UTY: variants seen among roughly 807,000 people sequenced by gnomAD.
UTY encodes the protein ubiquitously transcribed tetratricopeptide repeat containing, Y-linked, also known as histone demethylase UTY.
Under a neutral mutation model 32.5 loss-of-function variants are expected in UTY, and 12 were observed. That is an observed-to-expected ratio of 0.37 (90% CI 0.24 to 0.60). The LOEUF (loss-of-function observed/expected upper bound fraction) is 0.60. Ranked by LOEUF, UTY falls within the 20% of genes least tolerant of loss-of-function variation. The pLI is 0.69. For synonymous variants in UTY, 131 were observed against 103.4 expected (o/e 1.27, Z -1.62); for missense variants, 303 against 299.2 (o/e 1.01, Z -0.09).
At chrY:13,369,055 G>A in intron 9 of UTY, among the ~76,000 whole-genome samples, 3 of 32,652 alleles carry the variant, frequency 9.2e-5, no homozygotes, top group Non-Finnish European at 2.3e-4. Flanking sequence ...ATATAACTCC[G>A]GTAAAACAGG....
chrY:13,347,697 C>T (rs2062037478), intron 17 of UTY, among the ~76,000 whole-genome samples: 1 of 32,078 alleles, frequency 3.1e-5, no homozygotes, highest in Non-Finnish European at 7.6e-5. Flanking sequence ...CCCACAGCAG[C>T]CTGGATGACA....
At chrY:13,356,108 C>T in intron 15 of UTY, 90 bp from the exon 16 acceptor site, 1 of 178,296 alleles carries the variant, frequency 5.6e-6, no homozygotes, top group Non-Finnish European at 9.8e-6. Context: ...TACACAGAAC[C>T]TTTGCAGGAT....
chrY:13,309,791 G>T (rs2058919481), intron 21 of UTY, among the ~76,000 whole-genome samples: 1 of 32,717 alleles, frequency 3.1e-5, no homozygotes, highest in Non-Finnish European at 7.5e-5. Flanking sequence ...CAAAAGAGGT[G>T]TCAATTTCGT....
chrY:13,468,140 C>T (rs2078083264), intron 3 of UTY, among the ~76,000 whole-genome samples: 1 of 31,620 alleles, frequency 3.2e-5, no homozygotes, highest in Non-Finnish European at 7.6e-5. Flanking sequence ...AGTGTGGTGG[C>T]GCATGCTTGT....
chrY:13,344,198 G>C, intron 17 of UTY, among the ~76,000 whole-genome samples: 1 of 33,978 alleles, frequency 2.9e-5, no homozygotes, highest in Non-Finnish European at 7.3e-5. Context: ...GAAGTTAACA[G>C]AAAGGTTGGT....
intron 28 of UTY, among the ~76,000 whole-genome samples, chrY:13,259,631 A>G: frequency 2.9e-5 from 1 of 33,996 alleles, no homozygotes; most frequent in Admixed American, 2.7e-4. Flanking sequence ...TAAATCTCCA[A>G]TTATTGCTAT....
At chrY:13,364,535 T>C in intron 10 of UTY, among the ~76,000 whole-genome samples, 1 of 32,662 alleles carries the variant, frequency 3.1e-5, no homozygotes, top group Non-Finnish European at 7.5e-5. Context: ...CCACCTAATT[T>C]TTGTATTTTT....
In UTY at chrY:13,249,079, T is replaced by A; in HGVS notation, c.*777A>T. 2.6e-5 allele frequency: 1 copy of A among 38,711 alleles called. No individual in the cohort carries two copies. Among genetic ancestry groups the A allele is most frequent in the Non-Finnish European group, 6.1e-5 (1 of 16,408 alleles). 9.7% of individuals were successfully genotyped at this position (38,711 alleles called of 400,897 possible). On this transcript the variant is annotated 3_prime_UTR_variant, in exon 30 of 30. Coordinates refer to ENST00000545955, the MANE Select transcript of UTY (RefSeq NM_001258249.2). ...AACAATTTTAATAAAAATTTCTGTATAATACTAAGCAGTTTTATCTACACA... is the reference window on the plus strand; with the variant it reads ...AACAATTTTAATAAAAATTTCTGTAAAATACTAAGCAGTTTTATCTACACA...
intron 17 of UTY, among the ~76,000 whole-genome samples, chrY:13,337,941 T>C: frequency 3.1e-5 from 1 of 31,957 alleles, no homozygotes. Context: ...ATAAAAATTC[T>C]ATTATAAAAT....
At chrY:13,283,797 T>C (rs2057180574) in intron 27 of UTY, among the ~76,000 whole-genome samples, 2 of 33,560 alleles carry the variant, frequency 6.0e-5, no homozygotes, top group Non-Finnish European at 1.5e-4. Flanking sequence ...GCCATCTATA[T>C]CAATTCTAAG....
At chrY:13,256,727 C>T in intron 28 of UTY, among the ~76,000 whole-genome samples, 1 of 33,763 alleles carries the variant, frequency 3.0e-5, no homozygotes, top group Non-Finnish European at 7.3e-5. Context: ...ATTCTACATA[C>T]GTGGTTCATT....
At chrY:13,342,607 G>A (rs2061566915) in intron 17 of UTY, among the ~76,000 whole-genome samples, 1 of 34,562 alleles carries the variant, frequency 2.9e-5, no homozygotes, top group Non-Finnish European at 7.3e-5. Flanking sequence ...AACCATTTTT[G>A]AGGACACACT....
At chrY:13,291,830 A>G in intron 27 of UTY, among the ~76,000 whole-genome samples, 1 of 34,107 alleles carries the variant, frequency 2.9e-5, no homozygotes, top group East Asian at 7.5e-4. Flanking sequence ...TGAAGGACAA[A>G]ACCATATGAT....
At chrY:13,385,490 TCAAAGTTAACTA>T (rs2066619604) in intron 8 of UTY, among the ~76,000 whole-genome samples, 1 of 33,124 alleles carries the variant, frequency 3.0e-5, no homozygotes, top group East Asian at 7.8e-4. Flanking sequence ...AGGGCAGCGA[TCAAAGTTAACTA>T]TAATCTCCAA....
intron 10 of UTY, among the ~76,000 whole-genome samples, chrY:13,361,402 C>T (rs775585486): frequency 3.0e-5 from 1 of 33,226 alleles, no homozygotes; most frequent in South Asian, 6.5e-4. Flanking sequence ...TGAAAATAAA[C>T]GTGTACCGAC....
At position 13,381,437 on chromosome Y, in the gene UTY, T is replaced by C. The variant is rs763956726; in HGVS notation, c.646-12088A>G. Among the ~76,000 whole-genome samples, 5 of 34,126 alleles carry C rather than the reference T, an allele frequency of 1.5e-4. No homozygotes were observed. In the South Asian group the frequency reaches 2.6e-3, roughly 18 times the overall value. 91.6% of individuals were successfully genotyped at this position (34,126 alleles called of 37,273 possible). On this transcript the variant is annotated intron_variant, in intron 8 of 29. Coordinates refer to ENST00000545955, the MANE Select transcript of UTY (RefSeq NM_001258249.2). ...TATTCAGGATGCTAAGGCAAGAGAA[T>C]TGCCTGAACCCGGGAGGCGGAGGCT... is the stretch of plus-strand genomic sequence containing the variant.
intron 17 of UTY, among the ~76,000 whole-genome samples, chrY:13,346,106 T>A (rs2061870967): frequency 3.0e-5 from 1 of 33,094 alleles, no homozygotes. Context: ...TGATAATCAG[T>A]GGACCACACA....
At chrY:13,419,319 C>T (rs2072215645) in intron 4 of UTY, among the ~76,000 whole-genome samples, 1 of 33,454 alleles carries the variant, frequency 3.0e-5, no homozygotes, top group Non-Finnish European at 7.4e-5. Flanking sequence ...TACTGTGGTG[C>T]ACCACCCTCT....
chrY:13,326,444 T>A, intron 18 of UTY, 94 bp from the exon 19 acceptor site: 1 of 225,269 alleles, frequency 4.4e-6, no homozygotes, highest in Non-Finnish European at 6.9e-6. Context: ...GCATAAGGCA[T>A]TCACTAAAAT....
Sources: allele counts gnomAD v4.1 joint callset (sites outside exome capture counted in the v4.1 genomes callset), GRCh38; gene constraint gnomAD v4.1.1; transcripts MANE v1.5; gene names NCBI Gene and HGNC (gene_info 2026-07-23, HGNC 2026-07-21).